The following HYDIN variants were observed in gnomAD, a reference collection of about 807,000 sequenced individuals.
The protein encoded by HYDIN is HYDIN axonemal central pair apparatus protein, also known as axonemal central pair apparatus protein HYDIN.
HYDIN carries 132 observed loss-of-function variants against 403.9 expected under a neutral mutation model. That is an observed-to-expected ratio of 0.33 (90% CI 0.28 to 0.38). The LOEUF (loss-of-function observed/expected upper bound fraction) is 0.38. Ranked by LOEUF, HYDIN falls within the 10% of genes least tolerant of loss-of-function variation. HYDIN has a pLI of 1.00. For missense variants in HYDIN, 2,827 were observed against 5,009.5 expected (o/e 0.56, Z 13.15); for synonymous variants, 1,202 against 1,891.7 (o/e 0.64, Z 9.46).
At position 71,208,116 on chromosome 16, in the gene HYDIN, A is replaced by C. The variant is rs192634182; in HGVS notation, c.-23-21198T>G. ...TCTGCCCAAAGACAACAGAATATAC[A>C]TTCTTTTCATCACCACATGGTACAT... is the stretch of plus-strand genomic sequence containing the variant. On this transcript the variant is annotated intron_variant, in intron 1 of 85. Coordinates refer to ENST00000393567, the MANE Select transcript of HYDIN (RefSeq NM_001270974.2). Among the ~76,000 whole-genome samples, 6 of 152,330 alleles carry C rather than the reference A, an allele frequency of 3.9e-5. No individual in the cohort carries two copies. In the East Asian group the frequency reaches 1.2e-3, roughly 29 times the overall value.
At chr16:71,205,395 C>T (rs1022100635) in intron 1 of HYDIN, among the ~76,000 whole-genome samples, 17 of 152,198 alleles carry the variant, frequency 1.1e-4, no homozygotes, top group African/African-American at 2.7e-4. Context: ...TCTCTACAGA[C>T]GCCTGTGCAA....
At chr16:71,114,397 G>A (rs1278721920) in intron 10 of HYDIN, among the ~76,000 whole-genome samples, 10 of 150,398 alleles carry the variant, frequency 6.6e-5, no homozygotes, top group African/African-American at 9.8e-5. Flanking sequence ...GTGTCATTTC[G>A]ACATGTGCCT....
chr16:70,967,909 T>C (rs2078628923), intron 36 of HYDIN, among the ~76,000 whole-genome samples: 1 of 152,020 alleles, frequency 6.6e-6, no homozygotes, highest in Admixed American at 6.6e-5. Context: ...ATAAGATAAA[T>C]TGATAAGTAA....
chr16:71,113,659 T>A (rs1346789602), intron 10 of HYDIN: 1 of 149,166 alleles, frequency 6.7e-6, no homozygotes, highest in African/African-American at 2.5e-5. Context: ...CGTGGTGCAA[T>A]CACAGCTCAC....
intron 80 of HYDIN, among the ~76,000 whole-genome samples, chr16:70,831,529 C>A (rs12149619): frequency 0.033 from 2,718 of 83,528 alleles, 1 homozygote; most frequent in South Asian, 0.057. Context: ...AAAAAAAAAC[C>A]AAAAAAAAAA....
intron 73 of HYDIN, among the ~76,000 whole-genome samples, chr16:70,853,836 G>A (rs1382850173): frequency 6.7e-6 from 1 of 148,340 alleles, no homozygotes; most frequent in Non-Finnish European, 1.5e-5. Context: ...TCACCCTTGG[G>A]AGAAATTTGG....
intron 76 of HYDIN, 60 bp from the exon 77 acceptor site, chr16:70,837,948 T>G: frequency 6.5e-7 from 1 of 1,541,484 alleles, no homozygotes; most frequent in South Asian, 1.2e-5. Flanking sequence ...GAGGGGCAGA[T>G]GCTGTCTCCT....
intron 5 of HYDIN, among the ~76,000 whole-genome samples, chr16:71,174,369 G>C (rs1347026453): frequency 2.0e-5 from 3 of 152,150 alleles, no homozygotes; most frequent in African/African-American, 4.8e-5. Context: ...ATAGGTACTA[G>C]CGGTGGAGAA....
intron 35 of HYDIN, among the ~76,000 whole-genome samples, chr16:70,972,918 T>A (rs569642531): frequency 6.6e-6 from 1 of 152,252 alleles, no homozygotes; most frequent in Non-Finnish European, 1.5e-5. Flanking sequence ...TTCTGCCAAA[T>A]GAGTTTTAGT....
chr16:71,222,362 A>G (rs554618980), intron 1 of HYDIN, among the ~76,000 whole-genome samples: 2 of 152,304 alleles, frequency 1.3e-5, no homozygotes, highest in South Asian at 4.1e-4. Context: ...ATATACGACA[A>G]ACCCACAGCC....
chr16:71,063,598 C>T (rs970223600), intron 16 of HYDIN, among the ~76,000 whole-genome samples: 1 of 152,178 alleles, frequency 6.6e-6, no homozygotes, highest in Non-Finnish European at 1.5e-5. Context: ...GCCTGGCCTG[C>T]TGTGGAGCAT....
chr16:70,955,621 G>A (rs2078210205), intron 39 of HYDIN, 73 bp from the exon 40 acceptor site: 1 of 645,290 alleles, frequency 1.5e-6, no homozygotes, highest in Admixed American at 2.7e-5. Context: ...AAGGTCTCAA[G>A]AGCAGAGGTC....
At chr16:71,149,492 C>T (rs565271425) in intron 7 of HYDIN, among the ~76,000 whole-genome samples, 1 of 151,744 alleles carries the variant, frequency 6.6e-6, no homozygotes, top group Non-Finnish European at 1.5e-5. Flanking sequence ...CACACACACA[C>T]GATGTGTACA....
At chr16:70,887,327 T>C (rs2041200583) in intron 58 of HYDIN, among the ~76,000 whole-genome samples, 1 of 151,994 alleles carries the variant, frequency 6.6e-6, no homozygotes, top group Non-Finnish European at 1.5e-5. Context: ...CAAGGGTCCT[T>C]AGAAATGGAA....
intron 20 of HYDIN, among the ~76,000 whole-genome samples, chr16:71,026,244 G>C (rs1248741986): frequency 6.6e-6 from 1 of 152,224 alleles, no homozygotes; most frequent in Non-Finnish European, 1.5e-5. Flanking sequence ...TCATGCATTA[G>C]GAATTAATAT....
intron 1 of HYDIN, among the ~76,000 whole-genome samples, chr16:71,210,245 AC>A (rs1375105110): frequency 3.3e-5 from 5 of 152,228 alleles, no homozygotes; most frequent in Non-Finnish European, 7.3e-5. Context: ...AATAGCAAAG[AC>A]ATGGATCAAC....
At chr16:71,197,355 G>C (rs1026293169) in intron 1 of HYDIN, among the ~76,000 whole-genome samples, 1 of 152,136 alleles carries the variant, frequency 6.6e-6, no homozygotes, top group African/African-American at 2.4e-5. Context: ...CTAGCATATG[G>C]TAATAAGCAC....
At chr16:71,000,180 C>T (rs1158253677) in intron 23 of HYDIN, among the ~76,000 whole-genome samples, 4 of 152,102 alleles carry the variant, frequency 2.6e-5, no homozygotes, top group Non-Finnish European at 4.4e-5. Flanking sequence ...ATGAACCAAG[C>T]GGACACATCC....
intron 55 of HYDIN, among the ~76,000 whole-genome samples, chr16:70,893,113 C>T (rs1191277938): frequency 2.0e-5 from 3 of 152,190 alleles, no homozygotes; most frequent in Non-Finnish European, 4.4e-5. Flanking sequence ...AATGTCACCG[C>T]CATGCTCCAG....
Sources: gnomAD v4.1 joint callset for allele counts (sites outside exome capture counted in the v4.1 genomes callset) on GRCh38, gnomAD v4.1.1 for gene constraint, MANE v1.5 for transcripts, NCBI Gene and HGNC (gene_info 2026-07-23, HGNC 2026-07-21) for gene names.